Variants in KCNB2 observed in about 807,000 individuals in gnomAD.
KCNB2 encodes the protein delayed rectifier potassium channel protein.
In KCNB2, 15 loss-of-function variants were observed where a neutral mutation model predicts 61.5. The ratio of observed to expected loss-of-function variants is 0.24; its 90% CI spans 0.16 to 0.38. The LOEUF (loss-of-function observed/expected upper bound fraction) is 0.38. Ranked by LOEUF, KCNB2 falls within the 10% of genes least tolerant of loss-of-function variation. KCNB2 has a pLI of 1.00. For missense variants in KCNB2, 828 were observed against 1,125.2 expected (o/e 0.74, Z 3.78); for synonymous variants, 457 against 446.0 (o/e 1.02, Z -0.31).
intron 2 of KCNB2, among the ~76,000 whole-genome samples, chr8:72,640,734 A>C (rs1332725631): frequency 2.0e-5 from 3 of 152,242 alleles, no homozygotes; most frequent in Admixed American, 1.3e-4. Context: ...TAAACTATTG[A>C]TGTTACATCG....
At chr8:72,905,354 T>A (rs1005252735) in intron 2 of KCNB2, among the ~76,000 whole-genome samples, 10 of 152,152 alleles carry the variant, frequency 6.6e-5, no homozygotes, top group African/African-American at 2.4e-4. Flanking sequence ...AGCTCTCTAC[T>A]TCAGTTTGGC....
chr8:72,708,259 AGAAGAAAT>A (rs1380987447), intron 2 of KCNB2, among the ~76,000 whole-genome samples: 2 of 152,236 alleles, frequency 1.3e-5, no homozygotes, highest in African/African-American at 2.4e-5. Context: ...ACAGATGGTA[AGAAGAAAT>A]GTGGCTTCTT....
intron 2 of KCNB2, among the ~76,000 whole-genome samples, chr8:72,718,800 G>C (rs1007255750): frequency 6.6e-6 from 1 of 151,938 alleles, no homozygotes; most frequent in Non-Finnish European, 1.5e-5. Context: ...GTACCCTAAA[G>C]CTGAAAGCAT....
intron 2 of KCNB2, among the ~76,000 whole-genome samples, chr8:72,578,811 G>T (rs1806844676): frequency 6.6e-6 from 1 of 152,204 alleles, no homozygotes; most frequent in Non-Finnish European, 1.5e-5. Context: ...CATCTTGGTT[G>T]AGTTGTTTGG....
chr8:72,765,965 G>A (rs917941942), intron 2 of KCNB2, among the ~76,000 whole-genome samples: 1 of 152,204 alleles, frequency 6.6e-6, no homozygotes, highest in African/African-American at 2.4e-5. Context: ...GTGATAAATT[G>A]ATAGAGACAG....
intron 2 of KCNB2, among the ~76,000 whole-genome samples, chr8:72,607,398 G>A (rs1003413367): frequency 2.0e-5 from 3 of 152,184 alleles, no homozygotes; most frequent in Admixed American, 1.3e-4. Flanking sequence ...TAATTTCGGG[G>A]AGAGAGATGG....
At chr8:72,601,214 T>G (rs1471193794) in intron 2 of KCNB2, among the ~76,000 whole-genome samples, 1 of 152,232 alleles carries the variant, frequency 6.6e-6, no homozygotes, top group Non-Finnish European at 1.5e-5. Context: ...TACTTGACTT[T>G]CACCATTTGT....
intron 2 of KCNB2, among the ~76,000 whole-genome samples, chr8:72,821,641 C>CAAAAAA (rs61090576): frequency 2.4e-5 from 3 of 125,744 alleles, no homozygotes; most frequent in Non-Finnish European, 4.9e-5. Flanking sequence ...CAAAAAAAAA[C>CAAAAAA]AAAAAAAAAA....
intron 2 of KCNB2, among the ~76,000 whole-genome samples, chr8:72,874,633 A>C (rs1805674082): frequency 6.6e-6 from 1 of 152,240 alleles, no homozygotes; most frequent in Non-Finnish European, 1.5e-5. Flanking sequence ...GGCTGAGCCA[A>C]TGAAATGTTT....
intron 2 of KCNB2, among the ~76,000 whole-genome samples, chr8:72,884,248 CCT>C (rs1491287478): frequency 6.6e-6 from 1 of 152,040 alleles, no homozygotes; most frequent in Non-Finnish European, 1.5e-5. Context: ...TTTATTTTCC[CCT>C]TTTTTTTTCT....
intron 2 of KCNB2, among the ~76,000 whole-genome samples, chr8:72,725,485 A>G (rs1807617514): frequency 6.8e-6 from 1 of 146,720 alleles, no homozygotes. Context: ...GTGGACTGGC[A>G]TATTTGGCTT....
At chr8:72,556,748 T>G (rs970047814) in intron 1 of KCNB2, among the ~76,000 whole-genome samples, 1 of 152,160 alleles carries the variant, frequency 6.6e-6, no homozygotes, top group Admixed American at 6.6e-5. Flanking sequence ...GGACCTCCAG[T>G]TGATGCTATG....
intron 1 of KCNB2, among the ~76,000 whole-genome samples, chr8:72,554,783 C>T (rs1438493052): frequency 6.6e-6 from 1 of 152,048 alleles, no homozygotes; most frequent in Non-Finnish European, 1.5e-5. Flanking sequence ...TTCTGAAAGT[C>T]ACATACTAAA....
At chr8:72,912,347 C>T (rs1487604868) in intron 2 of KCNB2, among the ~76,000 whole-genome samples, 1 of 152,020 alleles carries the variant, frequency 6.6e-6, no homozygotes, top group Admixed American at 6.6e-5. Flanking sequence ...AAATAACTAA[C>T]TTCAGGGAAA....
At chr8:72,773,554 G>A (rs1563381007) in intron 2 of KCNB2, among the ~76,000 whole-genome samples, 2 of 152,180 alleles carry the variant, frequency 1.3e-5, no homozygotes, top group African/African-American at 2.4e-5. Context: ...GAGGGAGATA[G>A]TAGAGGTTTT....
intron 2 of KCNB2, among the ~76,000 whole-genome samples, chr8:72,592,252 A>T (rs190426891): frequency 2.3e-4 from 35 of 152,288 alleles, no homozygotes; most frequent in Non-Finnish European, 4.0e-4. Context: ...TCTACACTCT[A>T]AAAGAGAGAA....
chr8:72,815,151 C>T (rs1249483762), intron 2 of KCNB2, among the ~76,000 whole-genome samples: 1 of 151,996 alleles, frequency 6.6e-6, no homozygotes, highest in African/African-American at 2.4e-5. Flanking sequence ...GGCAATTGTA[C>T]CCATTAATGC....
intron 1 of KCNB2, among the ~76,000 whole-genome samples, chr8:72,549,934 A>T (rs981571546): frequency 3.3e-5 from 5 of 152,198 alleles, no homozygotes; most frequent in East Asian, 3.9e-4. Context: ...TGCTCCTAAA[A>T]ATGCATTTAC....
chr8:72,732,770 T>C (rs1807768865), intron 2 of KCNB2, among the ~76,000 whole-genome samples: 1 of 152,172 alleles, frequency 6.6e-6, no homozygotes, highest in Non-Finnish European at 1.5e-5. Context: ...AAATAAGATG[T>C]GTAAGAGCAT....
Sources: allele counts gnomAD v4.1 joint callset (sites outside exome capture counted in the v4.1 genomes callset), GRCh38; gene constraint gnomAD v4.1.1; transcripts MANE v1.5; gene names NCBI Gene and HGNC (gene_info 2026-07-23, HGNC 2026-07-21).